Variants in LRRC53 observed in about 807,000 individuals in gnomAD.
LRRC53 encodes leucine rich repeat containing 53.
A neutral mutation model predicts 13.6 loss-of-function variants in LRRC53; 25 were observed. The ratio of observed to expected loss-of-function variants is 1.83; its 90% CI spans 1.34 to 2.56. The LOEUF is 2.56. Among genes scored for constraint, LRRC53 ranks in the 30% most tolerant of loss-of-function variants. LRRC53 has a pLI of 0.00. For synonymous variants in LRRC53, 204 were observed against 109.8 expected, an observed-to-expected ratio of 1.86 and a Z score of -5.37; for missense variants, 527 against 275.8, an observed-to-expected ratio of 1.91 and a Z score of -6.45.
At chr1:74,533,017 T>C in the LRRC53 span, among the ~76,000 whole-genome samples, 2 of 152,172 alleles carry the variant, frequency 1.3e-5, no homozygotes, top group African/African-American at 4.8e-5. Context: ...AAGGACTTCA[T>C]GTCCAAAACA....
chr1:74,477,198 C>T (rs1668247914), intron 3 of LRRC53, among the ~76,000 whole-genome samples: 1 of 152,094 alleles, frequency 6.6e-6, no homozygotes, highest in Non-Finnish European at 1.5e-5. Flanking sequence ...TAGAACCACT[C>T]TTTAACTCAT....
the LRRC53 span, among the ~76,000 whole-genome samples, chr1:74,530,178 T>C: frequency 6.6e-6 from 1 of 152,154 alleles, no homozygotes; most frequent in Non-Finnish European, 1.5e-5. Flanking sequence ...TCTATATCCA[T>C]CACACTCATG....
At chr1:74,503,615 C>T (rs142854833) in intron 1 of LRRC53, among the ~76,000 whole-genome samples, 7 of 152,070 alleles carry the variant, frequency 4.6e-5, no homozygotes, top group East Asian at 1.9e-4. Context: ...ATCTCTGAGA[C>T]GTAAAATTTT....
intron 1 of LRRC53, among the ~76,000 whole-genome samples, chr1:74,495,470 A>C (rs1669283875): frequency 6.6e-6 from 1 of 152,182 alleles, no homozygotes; most frequent in South Asian, 2.1e-4. Flanking sequence ...TTGGCTCAAT[A>C]AACAGGAATT....
chr1:74,528,250 C>T, the LRRC53 span, among the ~76,000 whole-genome samples: 49 of 152,212 alleles, frequency 3.2e-4, no homozygotes, highest in East Asian at 5.8e-3. Flanking sequence ...AGAAGGTGTA[C>T]GTGTGGGCAG....
At chr1:74,495,630 A>G (rs551284690) in intron 1 of LRRC53, among the ~76,000 whole-genome samples, 17 of 152,236 alleles carry the variant, frequency 1.1e-4, no homozygotes, top group Admixed American at 3.9e-4. Context: ...AGGTATTCCA[A>G]TTTTTATAGA....
intron 1 of LRRC53, chr1:74,489,110 T>C: frequency 1.7e-6 from 2 of 1,190,754 alleles, no homozygotes; most frequent in Non-Finnish European, 2.4e-6. Context: ...TTACAAATGC[T>C]AATACCCAAT....
chr1:74,477,095 C>A (rs1392439619), intron 3 of LRRC53, among the ~76,000 whole-genome samples: 1 of 151,990 alleles, frequency 6.6e-6, no homozygotes, highest in Non-Finnish European at 1.5e-5. Context: ...AAATAATAAT[C>A]CTTTTATTGA....
rs1206455506 is a variant in LRRC53 at position 74,480,977 on chromosome 1, A to T, written c.89-9T>A. The T allele has an allele frequency of 8.6e-6, 6 of 701,076 alleles. No individual in the cohort carries two copies. The highest frequency in any genetic ancestry group is 1.3e-5 in the Non-Finnish European group (5 of 376,762). 43.4% of individuals were successfully genotyped at this position (701,076 alleles called of 1,614,324 possible). On this transcript the variant is annotated splice_polypyrimidine_tract_variant and intron_variant, in intron 2 of 4. Transcript: ENST00000294635. The stretch of plus-strand genomic sequence containing the variant: ...CGTGGTCATAGGGGCTGCTGTGGGG[A>T]AAAAAGCACAGACTAGATGCAGGGT...
chr1:74,502,932 G>C (rs1669709109), intron 1 of LRRC53, among the ~76,000 whole-genome samples: 1 of 152,184 alleles, frequency 6.6e-6, no homozygotes, highest in South Asian at 2.1e-4. Flanking sequence ...ACCAATCAGA[G>C]CACATAAAAG....
chr1:74,515,393 G>A (rs995697930), upstream of LRRC53, among the ~76,000 whole-genome samples: 4 of 152,126 alleles, frequency 2.6e-5, no homozygotes, highest in Non-Finnish European at 4.4e-5. Context: ...ACATTTTTTG[G>A]TGCTTTGTCA....
At position 74,485,148 on chromosome 1, in the gene LRRC53, A is replaced by G. The variant is rs147917546; in HGVS notation, c.-26-1773T>C. Among the ~76,000 whole-genome samples, 383 of 152,354 alleles carry G rather than the reference A, an allele frequency of 2.5e-3. 4 individuals are homozygous for G. The highest frequency in any genetic ancestry group is 0.023 in the South Asian group (109 of 4,826). On this transcript the variant is annotated intron_variant, in intron 1 of 4. Coordinates refer to ENST00000294635, the MANE Select transcript of LRRC53 (RefSeq NM_001382280.1). ...GTAAATACCTATCTATAACACAAGG[A>G]GAAACGAAGTAAATCTAAATGCAAG...
intron 1 of LRRC53, among the ~76,000 whole-genome samples, chr1:74,502,375 G>A (rs1669677004): frequency 6.6e-6 from 1 of 152,178 alleles, no homozygotes; most frequent in Admixed American, 6.5e-5. Context: ...ATCTTGTGAA[G>A]TATGCCTCAT....
intron 1 of LRRC53, among the ~76,000 whole-genome samples, chr1:74,503,619 A>G (rs770179869): frequency 5.3e-5 from 8 of 152,166 alleles, no homozygotes; most frequent in Non-Finnish European, 1.2e-4. Context: ...CTGAGACGTA[A>G]AATTTTTATG....
the LRRC53 span, among the ~76,000 whole-genome samples, chr1:74,534,029 G>A: frequency 0.41 from 61,960 of 152,012 alleles, 15,000 homozygotes; most frequent in Non-Finnish European, 0.56. Context: ...CCAAAACGCC[G>A]GTGAAATTAA....
At chr1:74,517,639 C>G in the LRRC53 span, among the ~76,000 whole-genome samples, 5 of 152,248 alleles carry the variant, frequency 3.3e-5, no homozygotes, top group African/African-American at 1.2e-4. Flanking sequence ...CAGTGGCAAC[C>G]TCAATTAGGT....
chr1:74,490,424 A>T (rs1669008639), intron 1 of LRRC53, among the ~76,000 whole-genome samples: 1 of 152,192 alleles, frequency 6.6e-6, no homozygotes, highest in South Asian at 2.1e-4. Context: ...TTCGAGCCTA[A>T]TGGGATAGAT....
chr1:74,492,313 A>T (rs200843879), intron 1 of LRRC53: 63 of 1,436,726 alleles, frequency 4.4e-5, no homozygotes, highest in Non-Finnish European at 5.0e-5. Flanking sequence ...TTATTTCAGA[A>T]TCTTATCAAG....
the LRRC53 span, among the ~76,000 whole-genome samples, chr1:74,530,597 A>G: frequency 5.3e-5 from 8 of 152,186 alleles, no homozygotes; most frequent in Non-Finnish European, 1.0e-4. Context: ...CAACCTTGCT[A>G]TATGAACTGG....
Sources: allele counts gnomAD v4.1 joint callset (sites outside exome capture counted in the v4.1 genomes callset), GRCh38; gene constraint gnomAD v4.1.1; transcripts MANE v1.5; gene names NCBI Gene and HGNC (gene_info 2026-07-23, HGNC 2026-07-21).